OCSTAMP: variants seen among roughly 807,000 people sequenced by gnomAD.
OCSTAMP encodes osteoclast stimulatory transmembrane protein.
Under a neutral mutation model 25.2 loss-of-function variants are expected in OCSTAMP, and 17 were observed. That is an observed-to-expected ratio of 0.68 (90% confidence interval 0.46 to 1.01). OCSTAMP has a LOEUF of 1.01. OCSTAMP is among the 50% of genes least tolerant of loss of function. The pLI is 0.00. For synonymous variants in OCSTAMP, 345 were observed against 318.9 expected (o/e 1.08, Z -0.87); for missense variants, 664 against 694.6 (o/e 0.96, Z 0.50).
chr20:46,541,091 T>C lies in OCSTAMP; in HGVS notation c.*183A>G, dbSNP rs2061831744. 1 of 582,940 alleles carries C rather than the reference T, an allele frequency of 1.7e-6. No homozygotes were observed. The highest frequency in any genetic ancestry group is 3.1e-6 in the Non-Finnish European group (1 of 325,302). The allele number at this position is 582,940 out of a possible 1,614,324, so 36.1% of individuals were successfully genotyped here. On this transcript the variant is annotated 3_prime_UTR_variant, in exon 3 of 3. Transcript: ENST00000279028. Reference sequence around the variant, plus strand: ...AACTATGGGTTACTATAAATGAGTTTAGAGGATTTTGAGGCATATAAATAA... The same window carrying C: ...AACTATGGGTTACTATAAATGAGTTCAGAGGATTTTGAGGCATATAAATAA...
intron 2 of OCSTAMP, among the ~76,000 whole-genome samples, chr20:46,543,675 C>G (rs530514819): frequency 6.6e-6 from 1 of 152,058 alleles, no homozygotes; most frequent in Admixed American, 6.5e-5. Flanking sequence ...AAAGATATGG[C>G]AAAATAAACC....
chr20:46,541,835 C>G lies in OCSTAMP; in HGVS notation c.1140G>C (p.Trp380Cys). 1 of 1,475,718 alleles carries G rather than the reference C, an allele frequency of 6.8e-7. No homozygotes were observed. The highest frequency in any genetic ancestry group is 8.9e-7 in the Non-Finnish European group (1 of 1,118,232). The allele number at this position is 1,475,718 out of a possible 1,614,324, so 91.4% of individuals were successfully genotyped here. A position where few individuals can be genotyped will look rare whatever the true frequency, so the allele number is the denominator to read the frequency against. The change falls in exon 3 of 3, where the codon TGG (tryptophan) becomes TGC (cysteine). Residue 380 changes from tryptophan to cysteine, a missense_variant. By Grantham distance (215) the Trp-to-Cys change is radical. Transcript: ENST00000279028. ...PFLSVHSSYQWELRLTSARCP... is the reference protein window; with the variant it reads ...PFLSVHSSYQCELRLTSARCP... ...AGCGGGCGGAGGTGAGGCGGAGCTC[C>G]CATTGGTAGGAGCTGTGGACGGAGA...
rs1168162510 is a variant in OCSTAMP at position 46,541,508 on chromosome 20, T to G, written c.1467A>C (p.Leu489Phe). The change falls in exon 3 of 3, where the codon TTA becomes TTC. Residue 489 changes from leucine to phenylalanine, a missense_variant. Physicochemically the swap from Leu to Phe is conservative, Grantham distance 22. Coordinates refer to ENST00000279028, the MANE Select transcript of OCSTAMP (RefSeq NM_080721.3). The stretch of plus-strand genomic sequence containing the variant: ...CTTCTCCCTCACTGCTCTCGGTTCT[T>G]AAGGCATCCAGCCTGTAGTCTATCC... ...PAWIDYRLDA[L>F]RTESSEGEGK... 6.4e-7 allele frequency: 1 copy of G among 1,551,614 alleles called. No homozygotes were observed. The highest frequency in any genetic ancestry group is 8.7e-7 in the Non-Finnish European group (1 of 1,146,980).
chr20:46,546,368 G>T, intron 1 of OCSTAMP, 39 bp from the exon 2 acceptor site: 5 of 1,466,416 alleles, frequency 3.4e-6, no homozygotes, highest in Non-Finnish European at 4.6e-6. Flanking sequence ...CTATCAGGAG[G>T]TGGGTGGGTG....
At chr20:46,546,599 G>T (rs1044899939) in intron 1 of OCSTAMP, among the ~76,000 whole-genome samples, 2 of 152,222 alleles carry the variant, frequency 1.3e-5, no homozygotes, top group Non-Finnish European at 2.9e-5. Flanking sequence ...ATGAAAGTCT[G>T]CCCTGTTTGA....
intron 2 of OCSTAMP, among the ~76,000 whole-genome samples, chr20:46,543,657 T>C (rs2061842600): frequency 6.6e-6 from 1 of 152,108 alleles, no homozygotes; most frequent in African/African-American, 2.4e-5. Context: ...TTTTTATGTA[T>C]ACGCGAGAAA....
chr20:46,547,406 A>G (rs2061856534), intron 1 of OCSTAMP, among the ~76,000 whole-genome samples: 1 of 152,214 alleles, frequency 6.6e-6, no homozygotes, highest in African/African-American at 2.4e-5. Flanking sequence ...ATTCCTCAAG[A>G]GAGTGTGTCA....
At position 46,541,185 on chromosome 20, in the gene OCSTAMP, A is replaced by G. The variant is rs547445946; in HGVS notation, c.*89T>C. The stretch of plus-strand genomic sequence containing the variant: ...CTAACAAGTAGAGCAGTTGGTGCAG[A>G]TGAGATGAGCCTGATCGCCAACCAG... On this transcript the variant is annotated 3_prime_UTR_variant, in exon 3 of 3. Transcript: ENST00000279028. 2.6e-5 allele frequency: 17 copies of G among 657,360 alleles called. No individual in the cohort carries two copies. The East Asian group carries it at 4.4e-4, about 17-fold the overall frequency. 40.7% of individuals were successfully genotyped at this position (657,360 alleles called of 1,614,324 possible).
Position 46,541,605 on chromosome 20 carries a change from T to C in OCSTAMP, c.1370A>G (p.Gln457Arg), listed in dbSNP as rs1212728471. Residue 457 changes from glutamine to arginine, a missense_variant, in exon 3 of 3, where the codon CAA becomes CGA. By Grantham distance (43) the Gln-to-Arg change is conservative (BLOSUM62 1). Coordinates refer to ENST00000279028, the MANE Select transcript of OCSTAMP (RefSeq NM_080721.3). The stretch of plus-strand genomic sequence containing the variant: ...ATCCCCTAGGGGCAGCTGCTGGCCT[T>C]GGTGCCTGTCGTGTCTTCGCTGGAG... ...ARLQRRHDRH[Q>R]GQQLPLGDPS... 1.9e-6 allele frequency: 3 copies of C among 1,551,510 alleles called. No individual in the cohort carries two copies. The highest frequency in any genetic ancestry group is 2.6e-6 in the Non-Finnish European group (3 of 1,146,988).
chr20:46,544,132 C>G (rs2146052863), intron 2 of OCSTAMP, among the ~76,000 whole-genome samples: 1 of 152,258 alleles, frequency 6.6e-6, no homozygotes, highest in Admixed American at 6.5e-5. Context: ...AAGTGGGAGG[C>G]TCGTTTGAGC....
At chr20:46,547,624 A>G (rs2061857127) in intron 1 of OCSTAMP, among the ~76,000 whole-genome samples, 1 of 152,246 alleles carries the variant, frequency 6.6e-6, no homozygotes, top group South Asian at 2.1e-4. Flanking sequence ...AATGCCTATT[A>G]GCCGCTTAGA....
chr20:46,546,110 A>C lies in OCSTAMP; in HGVS notation c.264T>G (p.Cys88Trp), dbSNP rs2061851536. The change falls in exon 2 of 3, where the codon TGT becomes TGG. Residue 88 changes from cysteine (C) to tryptophan (W), a missense_variant. Coordinates refer to ENST00000279028, the MANE Select transcript of OCSTAMP (RefSeq NM_080721.3). ...PGPSAMVATV[C>W]GLLVFLSLGL... ...CCAGGCTCAGGAAGACCAGGAGGCC[A>C]CAGACAGTGGCAACCATGGCTGAAG... The C allele has an allele frequency of 6.4e-7, 1 of 1,551,792 alleles. No individual in the cohort carries two copies. Among genetic ancestry groups the C allele is most frequent in the East Asian group, 2.4e-5 (1 of 40,928 alleles).
chr20:46,543,230 C>CT (rs869233326), intron 2 of OCSTAMP, among the ~76,000 whole-genome samples: 1 of 142,826 alleles, frequency 7.0e-6, no homozygotes, highest in Non-Finnish European at 1.5e-5. Flanking sequence ...TCCTTCCTTT[C>CT]TTTTTCTTTC....
chr20:46,543,150 T>TCCTTCCTTCCTC (rs2061839751), intron 2 of OCSTAMP, among the ~76,000 whole-genome samples: 3 of 149,630 alleles, frequency 2.0e-5, no homozygotes, highest in African/African-American at 7.3e-5. Flanking sequence ...CTCCCTCCCT[T>TCCTTCCTTCCTC]CCTTCCTTCC....
chr20:46,545,340 G>A lies in OCSTAMP; in HGVS notation c.1034C>T (p.Thr345Met), dbSNP rs1021064462. 1.6e-5 allele frequency: 23 copies of A among 1,475,568 alleles called. No individual in the cohort carries two copies. Among genetic ancestry groups the A allele is most frequent in the African/African-American group, 2.8e-5 (2 of 70,360 alleles). The allele number at this position is 1,475,568 out of a possible 1,614,324, so 91.4% of individuals were successfully genotyped here. The change falls in exon 2 of 3, where the codon ACG (threonine) becomes ATG (methionine). Residue 345 changes from threonine to methionine, a missense_variant. Coordinates refer to ENST00000279028, the MANE Select transcript of OCSTAMP (RefSeq NM_080721.3). The stretch of plus-strand genomic sequence containing the variant: ...CATCACACTTACATCATACTTGACC[G>A]TGAGCGTGATGGGCACAGTTGGCAA... ...QKLPTVPITL[T>M]VKYDVAYTVL...
rs1332264044 is a variant in OCSTAMP, at chr20:46,541,781, G to A, written c.1194C>T (p.Arg398=). ...CCCCCGCGGCCAGCGGGGCAGCTGCGCGGGGACGCCGGGCGGGTAGCAGTG... is the reference window on the plus strand; with the variant it reads ...CCCCCGCGGCCAGCGGGGCAGCTGCACGGGGACGCCGGGCGGGTAGCAGTG... ...RCPLLPARRP[R]AAAPLAAGAL... The change falls in exon 3 of 3, where the codon CGC becomes CGT. Residue 398 remains arginine (R), a synonymous_variant. Transcript: ENST00000279028. 1.3e-6 allele frequency: 2 copies of A among 1,505,892 alleles called. No homozygotes were observed. The highest frequency in any genetic ancestry group is 2.4e-5 in the Admixed American group (1 of 41,760). 93.3% of individuals were successfully genotyped at this position (1,505,892 alleles called of 1,614,324 possible). A position where few individuals can be genotyped will look rare whatever the true frequency, so the allele number is the denominator to read the frequency against.
intron 2 of OCSTAMP, among the ~76,000 whole-genome samples, chr20:46,543,227 T>C (rs2061840140): frequency 6.9e-6 from 1 of 145,036 alleles, no homozygotes; most frequent in Admixed American, 6.8e-5. Flanking sequence ...CCTTCCTTCC[T>C]TTCTTTTTCT....
chr20:46,550,628 G>A lies in OCSTAMP; in HGVS notation c.-68C>T. 7.1e-7 allele frequency: 1 copy of A among 1,403,890 alleles called. No homozygotes were observed. The highest frequency in any genetic ancestry group is 9.9e-7 in the Non-Finnish European group (1 of 1,013,386). The allele number at this position is 1,403,890 out of a possible 1,614,324, so 87.0% of individuals were successfully genotyped here. On this transcript the variant is annotated 5_prime_UTR_variant, in exon 1 of 3. Coordinates refer to ENST00000279028, the MANE Select transcript of OCSTAMP (RefSeq NM_080721.3). ...GCTGTGGCAGGTGGAGAGGAAGTGG[G>A]GGAATCGCTGGGACTTGGGAATCCC... is the stretch of plus-strand genomic sequence containing the variant.
Position 46,545,637 on chromosome 20 carries a change from TGG to T in OCSTAMP, c.735_736del (p.His246LeufsTer9). 6.4e-7 allele frequency: 1 copy of T among 1,551,654 alleles called. No individual in the cohort carries two copies. The highest frequency in any genetic ancestry group is 8.7e-7 in the Non-Finnish European group (1 of 1,146,988). ...AAACCGCAGGTCTGTCAGGTAGCAA[TGG>T]AGGTACCATGCCGACTCCACCAGGA... On this transcript the variant is annotated frameshift_variant, in exon 2 of 3. Coordinates refer to ENST00000279028, the MANE Select transcript of OCSTAMP (RefSeq NM_080721.3). LOFTEE classifies it high-confidence loss of function.
Sources: allele counts gnomAD v4.1 joint callset (sites outside exome capture counted in the v4.1 genomes callset), GRCh38; gene constraint gnomAD v4.1.1; transcripts MANE v1.5; gene names NCBI Gene and HGNC (gene_info 2026-07-23, HGNC 2026-07-21).